Variants in TAFA2 observed in about 807,000 individuals in gnomAD.
The protein encoded by TAFA2 is chemokine-like protein TAFA-2.
Under a neutral mutation model 18.8 loss-of-function variants are expected in TAFA2, and 7 were observed. The observed-to-expected ratio is 0.37, with a 90% CI of 0.21 to 0.70. The LOEUF is 0.70. Ranked by LOEUF, TAFA2 falls within the 30% of genes least tolerant of loss-of-function variation. TAFA2 has a pLI of 0.53. For synonymous variants in TAFA2, 60 were observed against 54.2 expected (o/e 1.11, Z -0.47); for missense variants, 122 against 158.1 (o/e 0.77, Z 1.23).
At chr12:61,715,358 A>T (rs1405898524) in intron 4 of TAFA2, among the ~76,000 whole-genome samples, 3 of 151,106 alleles carry the variant, frequency 2.0e-5, no homozygotes, top group East Asian at 1.9e-4. Flanking sequence ...ATTTTATTTT[A>T]TTTTTTTTGA....
chr12:62,035,340 G>A (rs916188031), intron 1 of TAFA2, among the ~76,000 whole-genome samples: 1 of 152,102 alleles, frequency 6.6e-6, no homozygotes, highest in African/African-American at 2.4e-5. Context: ...GTTACACAAT[G>A]AATTATTTAA....
At chr12:61,994,237 C>T (rs1032036428) in intron 1 of TAFA2, among the ~76,000 whole-genome samples, 3 of 152,176 alleles carry the variant, frequency 2.0e-5, no homozygotes, top group Non-Finnish European at 2.9e-5. Context: ...AAGTGGAGCT[C>T]TGTCACCATC....
At chr12:62,181,360 C>T (rs2062550868) in intron 1 of TAFA2, among the ~76,000 whole-genome samples, 1 of 152,092 alleles carries the variant, frequency 6.6e-6, no homozygotes, top group Non-Finnish European at 1.5e-5. Context: ...CATTGAGAAT[C>T]AATAGAAATG....
intron 1 of TAFA2, among the ~76,000 whole-genome samples, chr12:61,903,284 C>CAA (rs1876194860): frequency 6.6e-6 from 1 of 152,108 alleles, no homozygotes; most frequent in Non-Finnish European, 1.5e-5. Context: ...TCCTTCTCCC[C>CAA]CTCCCTCACT....
chr12:62,233,029 G>T (rs1158632444), intron 1 of TAFA2, among the ~76,000 whole-genome samples: 1 of 131,054 alleles, frequency 7.6e-6, no homozygotes, highest in Admixed American at 8.0e-5. Context: ...CCAATTGCAA[G>T]TCCTCACTAT....
chr12:62,222,736 G>A (rs529044479), intron 1 of TAFA2, among the ~76,000 whole-genome samples: 11 of 150,680 alleles, frequency 7.3e-5, no homozygotes, highest in African/African-American at 2.7e-4. Context: ...GGATGGTCTC[G>A]ATCTCCTGAT....
chr12:62,119,333 A>G (rs1555191728), intron 1 of TAFA2, among the ~76,000 whole-genome samples: 2 of 149,108 alleles, frequency 1.3e-5, no homozygotes, highest in Non-Finnish European at 3.0e-5. Context: ...ATACTATCAA[A>G]TACAATCAGA....
At chr12:61,870,731 C>T (rs1251614083) in intron 1 of TAFA2, among the ~76,000 whole-genome samples, 1 of 152,024 alleles carries the variant, frequency 6.6e-6, no homozygotes, top group African/African-American at 2.4e-5. Context: ...TTAGCTATTC[C>T]CTCCATTCCC....
At position 61,820,589 on chromosome 12, in the gene TAFA2, AG is replaced by A. The variant is rs1337270336; in HGVS notation, c.106+46730del. ...AAAAAAAGGAAGGAAGAGGAAAAAA[AG>A]AAATAAAAAAAGATAATTCGATCTT... On this transcript the variant is annotated intron_variant, in intron 2 of 4. Coordinates refer to ENST00000416284, the MANE Select transcript of TAFA2 (RefSeq NM_178539.5). Among the ~76,000 whole-genome samples the A allele has an allele frequency of 1.8e-4, 27 of 152,152 alleles. 1 individual carries two copies. In the South Asian group the frequency reaches 5.2e-3, roughly 29 times the overall value.
chr12:62,039,954 G>C (rs1277782596), intron 1 of TAFA2, among the ~76,000 whole-genome samples: 1 of 152,154 alleles, frequency 6.6e-6, no homozygotes, highest in Non-Finnish European at 1.5e-5. Context: ...ACCACACTTT[G>C]AGTGGCATTC....
chr12:61,977,941 G>T (rs1016603872), intron 1 of TAFA2, among the ~76,000 whole-genome samples: 2 of 151,962 alleles, frequency 1.3e-5, no homozygotes, highest in African/African-American at 4.8e-5. Context: ...TCGTTCCACT[G>T]ATTTCAGTAG....
intron 2 of TAFA2, among the ~76,000 whole-genome samples, chr12:61,822,008 C>T (rs987664234): frequency 4.1e-4 from 63 of 151,974 alleles, no homozygotes; most frequent in African/African-American, 1.5e-3. Flanking sequence ...AGACAGAAAA[C>T]CAATTATAAT....
chr12:61,868,836 G>A (rs1592447624), intron 1 of TAFA2, among the ~76,000 whole-genome samples: 1 of 152,118 alleles, frequency 6.6e-6, no homozygotes, highest in Non-Finnish European at 1.5e-5. Flanking sequence ...GAATGCCGGG[G>A]TTTGAGTCCA....
chr12:61,797,274 A>G (rs1181202957), intron 2 of TAFA2, among the ~76,000 whole-genome samples: 3 of 152,156 alleles, frequency 2.0e-5, no homozygotes, highest in Non-Finnish European at 4.4e-5. Flanking sequence ...GCCAAAAGAA[A>G]AAGAAAAATC....
chr12:62,009,518 C>T lies in TAFA2; in HGVS notation c.-1-142092G>A, dbSNP rs140120282. ...TGTTTAACATTACCACTATGAAACGCTCTCAAAGAAAAGTCAAAAGGACAC... is the reference window on the plus strand; with the variant it reads ...TGTTTAACATTACCACTATGAAACGTTCTCAAAGAAAAGTCAAAAGGACAC... On this transcript the variant is annotated intron_variant, in intron 1 of 4. Transcript: ENST00000416284. Among the ~76,000 whole-genome samples, 1,392 of 152,248 alleles carry T rather than the reference C, an allele frequency of 9.1e-3. 12 individuals are homozygous for T. Among genetic ancestry groups the T allele is most frequent in the South Asian group, 0.019 (90 of 4,826 alleles).
intron 2 of TAFA2, among the ~76,000 whole-genome samples, chr12:61,757,438 G>T (rs1376116823): frequency 6.6e-6 from 1 of 151,938 alleles, no homozygotes; most frequent in Non-Finnish European, 1.5e-5. Context: ...TACTTCTGTT[G>T]GGGCCATGTT....
intron 1 of TAFA2, among the ~76,000 whole-genome samples, chr12:61,919,613 A>G (rs1452659437): frequency 3.9e-5 from 6 of 152,096 alleles, no homozygotes; most frequent in Non-Finnish European, 8.8e-5. Context: ...TCAACCATCA[A>G]TACAATCTTC....
chr12:62,087,563 C>G (rs1394744191), intron 1 of TAFA2, among the ~76,000 whole-genome samples: 1 of 152,002 alleles, frequency 6.6e-6, no homozygotes, highest in Non-Finnish European at 1.5e-5. Context: ...ATGAGCTCTG[C>G]ATGTTGAAGA....
intron 1 of TAFA2, among the ~76,000 whole-genome samples, chr12:61,990,966 G>A (rs1879989133): frequency 6.6e-6 from 1 of 152,194 alleles, no homozygotes. Context: ...GAATATTTAG[G>A]TGAGGAAAAT....
Sources: allele counts gnomAD v4.1 joint callset (sites outside exome capture counted in the v4.1 genomes callset), GRCh38; gene constraint gnomAD v4.1.1; transcripts MANE v1.5; gene names NCBI Gene and HGNC (gene_info 2026-07-23, HGNC 2026-07-21).